The following PDE7A variants were observed in gnomAD, a reference collection of about 807,000 sequenced individuals.
PDE7A encodes phosphodiesterase 7A.
In PDE7A, 39 loss-of-function variants were observed where a neutral mutation model predicts 64.3. That is an observed-to-expected ratio of 0.61 (90% CI 0.47 to 0.79). The LOEUF (loss-of-function observed/expected upper bound fraction) is 0.79. PDE7A is among the 30% of genes least tolerant of loss of function. The pLI is 0.00. For missense variants in PDE7A, 470 were observed against 582.8 expected, an observed-to-expected ratio of 0.81 and a Z score of 1.99; for synonymous variants, 203 against 206.8, an observed-to-expected ratio of 0.98 and a Z score of 0.16.
In PDE7A at chr8:65,832,912, T is replaced by A. The variant is rs1321806619; in HGVS notation, c.138+8459A>T. Among the ~76,000 whole-genome samples the A allele has an allele frequency of 5.3e-5, 8 of 152,298 alleles. No homozygotes were observed. In the East Asian group the frequency reaches 1.5e-3, roughly 29 times the overall value. On this transcript the variant is annotated intron_variant, in intron 1 of 12. Coordinates refer to ENST00000401827, the MANE Select transcript of PDE7A (RefSeq NM_001242318.3). ...CCTCTGAGGTAACGTCCTTTTCCCA[T>A]GTGGCAAAAGGAAGTAGAAGAGAGT...
At chr8:65,778,808 C>T (rs975232543) in intron 3 of PDE7A, among the ~76,000 whole-genome samples, 1 of 152,210 alleles carries the variant, frequency 6.6e-6, no homozygotes, top group African/African-American at 2.4e-5. Context: ...TCACAGATCA[C>T]ATTAATGTAT....
chr8:65,747,675 C>T lies in PDE7A; in HGVS notation c.412G>A (p.Asp138Asn). ...ACCTTGGCTTGTCCATTATAATCAT[C>T]ATCTAAAATGTTTAGGGAATTTGAA... ...AVSNSLNILD[D>N]DYNGQAKCML... Residue 138 changes from aspartate (D) to asparagine (N), a missense_variant, in exon 4 of 13, where the codon GAT becomes AAT. By Grantham distance (23) the Asp-to-Asn change is conservative (BLOSUM62 1). Coordinates refer to ENST00000401827, the MANE Select transcript of PDE7A (RefSeq NM_001242318.3). The T allele has an allele frequency of 6.2e-7, 1 of 1,609,126 alleles. No individual in the cohort carries two copies. The highest frequency in any genetic ancestry group is 8.5e-7 in the Non-Finnish European group (1 of 1,176,910).
intron 3 of PDE7A, among the ~76,000 whole-genome samples, chr8:65,761,084 G>A (rs545498849): frequency 6.6e-5 from 10 of 151,178 alleles, no homozygotes; most frequent in South Asian, 6.2e-4. Context: ...TTTTTAGACG[G>A]AGTCTCGCCC....
intron 3 of PDE7A, chr8:65,765,405 C>T (rs1285838894): frequency 2.3e-5 from 3 of 131,436 alleles, no homozygotes; most frequent in East Asian, 2.5e-4. Context: ...AGGAGAATGG[C>T]GTGAACCCGG....
chr8:65,798,197 TATATATATA>T (rs1563511782), intron 1 of PDE7A, among the ~76,000 whole-genome samples: 9 of 32,888 alleles, frequency 2.7e-4, no homozygotes, highest in Middle Eastern at 0.013. Context: ...TATATATATA[TATATATATA>T]TTTTTTTTTT....
intron 1 of PDE7A, among the ~76,000 whole-genome samples, chr8:65,833,323 C>T (rs1366671399): frequency 6.6e-6 from 1 of 152,118 alleles, no homozygotes; most frequent in African/African-American, 2.4e-5. Flanking sequence ...TTATACCCTC[C>T]TAGAACATGG....
intron 1 of PDE7A, among the ~76,000 whole-genome samples, chr8:65,784,722 T>C (rs7015152): frequency 0.62 from 93,110 of 150,968 alleles, 31,420 homozygotes; most frequent in African/African-American, 0.9. Flanking sequence ...TCTACTATCC[T>C]CCCACCAAAA....
chr8:65,819,913 T>C (rs1563519815), intron 1 of PDE7A, among the ~76,000 whole-genome samples: 1 of 152,206 alleles, frequency 6.6e-6, no homozygotes, highest in Admixed American at 6.5e-5. Context: ...ACCTCCTCAA[T>C]GGCAAACTGT....
intron 3 of PDE7A, among the ~76,000 whole-genome samples, chr8:65,763,448 C>A (rs1015668279): frequency 1.3e-5 from 2 of 152,008 alleles, no homozygotes; most frequent in Admixed American, 1.3e-4. Context: ...GTCTGTAATC[C>A]CAGCTACTTA....
intron 7 of PDE7A, among the ~76,000 whole-genome samples, chr8:65,730,874 G>A (rs900088097): frequency 6.6e-6 from 1 of 152,214 alleles, no homozygotes; most frequent in South Asian, 2.1e-4. Context: ...AGTGAGCTAA[G>A]ATTGTGCCAC....
chr8:65,840,833 C>A (rs143708160), intron 1 of PDE7A, among the ~76,000 whole-genome samples: 1 of 152,254 alleles, frequency 6.6e-6, no homozygotes, highest in African/African-American at 2.4e-5. Flanking sequence ...CAGTACAGCC[C>A]AGCCACAGAA....
chr8:65,770,464 A>G (rs916679397), intron 3 of PDE7A, among the ~76,000 whole-genome samples: 6 of 152,192 alleles, frequency 3.9e-5, no homozygotes, highest in Non-Finnish European at 7.3e-5. Context: ...TACCACGAGA[A>G]CAGTATGGGG....
At chr8:65,804,466 T>C (rs1810065722) in intron 1 of PDE7A, among the ~76,000 whole-genome samples, 1 of 152,010 alleles carries the variant, frequency 6.6e-6, no homozygotes, top group African/African-American at 2.4e-5. Context: ...AATTGCTTAT[T>C]TCAAGATTTA....
chr8:65,815,554 T>A (rs148344949), intron 1 of PDE7A, among the ~76,000 whole-genome samples: 7 of 152,224 alleles, frequency 4.6e-5, no homozygotes, highest in African/African-American at 1.7e-4. Flanking sequence ...AAACTTTTCC[T>A]AAGAAAAAAG....
intron 1 of PDE7A, among the ~76,000 whole-genome samples, chr8:65,831,448 T>C (rs1274711547): frequency 1.3e-5 from 2 of 152,126 alleles, no homozygotes; most frequent in Non-Finnish European, 2.9e-5. Flanking sequence ...GCAAATCACT[T>C]CCTAGGACCT....
chr8:65,749,092 C>T (rs1585866448), intron 3 of PDE7A, among the ~76,000 whole-genome samples: 1 of 152,274 alleles, frequency 6.6e-6, no homozygotes, highest in South Asian at 2.1e-4. Context: ...GTACACTGCC[C>T]CTATCTTGAA....
chr8:65,837,894 T>C (rs931242153), intron 1 of PDE7A, among the ~76,000 whole-genome samples: 17 of 152,134 alleles, frequency 1.1e-4, no homozygotes, highest in African/African-American at 4.1e-4. Context: ...ACTCAGAAAG[T>C]TTCCCTTTGA....
rs1188499376 is a variant in PDE7A, at chr8:65,716,492, A to G, written c.*2798T>C. Among the ~76,000 whole-genome samples the G allele has an allele frequency of 6.6e-6, 1 of 152,094 alleles. No homozygotes were observed. The highest frequency in any genetic ancestry group is 2.4e-5 in the African/African-American group (1 of 41,406). Reference sequence around the variant, plus strand: ...CTAGCACCTTCCAGGGGAAGAGGGTACCCTGGTCCACAAACATGAATATCA... The same window carrying G: ...CTAGCACCTTCCAGGGGAAGAGGGTGCCCTGGTCCACAAACATGAATATCA... On this transcript the variant is annotated 3_prime_UTR_variant, in exon 13 of 13. Coordinates refer to ENST00000401827, the MANE Select transcript of PDE7A (RefSeq NM_001242318.3).
intron 1 of PDE7A, among the ~76,000 whole-genome samples, chr8:65,816,101 G>A (rs1810394097): frequency 6.6e-6 from 1 of 151,638 alleles, no homozygotes; most frequent in Admixed American, 6.6e-5. Flanking sequence ...GGTATTTCTT[G>A]TAAATGAATA....
Sources: allele counts gnomAD v4.1 joint callset (sites outside exome capture counted in the v4.1 genomes callset), GRCh38; gene constraint gnomAD v4.1.1; transcripts MANE v1.5; gene names NCBI Gene and HGNC (gene_info 2026-07-23, HGNC 2026-07-21).